The following SLC35F1 variants were observed in gnomAD, a reference collection of about 807,000 sequenced individuals.
The protein encoded by SLC35F1 is solute carrier family 35 member F1, also known as chromosome 6 open reading frame 169.
Under a neutral mutation model 48.7 loss-of-function variants are expected in SLC35F1, and 14 were observed. That is an observed-to-expected ratio of 0.29 (90% CI 0.19 to 0.45). The LOEUF (loss-of-function observed/expected upper bound fraction) is 0.45. SLC35F1 is among the 20% of genes least tolerant of loss of function. The probability of loss-of-function intolerance (pLI) is 1.00; values close to 1 mark genes in which losing one functional copy is unlikely to be tolerated. For synonymous variants in SLC35F1, 190 were observed against 202.2 expected (o/e 0.94, Z 0.51); for missense variants, 404 against 500.0 (o/e 0.81, Z 1.83).
At chr6:118,223,092 T>G (rs1288451970) in intron 2 of SLC35F1, among the ~76,000 whole-genome samples, 1 of 152,228 alleles carries the variant, frequency 6.6e-6, no homozygotes, top group Non-Finnish European at 1.5e-5. Flanking sequence ...AATGCTGCAT[T>G]GCTCATAAAA....
intron 1 of SLC35F1, among the ~76,000 whole-genome samples, chr6:118,144,234 A>G (rs1323857372): frequency 6.6e-6 from 1 of 152,360 alleles, no homozygotes; most frequent in South Asian, 2.1e-4. Context: ...TGGTACACAT[A>G]CACTACAGAA....
At chr6:118,231,370 T>C (rs1273303229) in intron 2 of SLC35F1, among the ~76,000 whole-genome samples, 1 of 152,186 alleles carries the variant, frequency 6.6e-6, no homozygotes, top group Non-Finnish European at 1.5e-5. Context: ...GTGTTTCTTA[T>C]AGATGGCCCT....
intron 1 of SLC35F1, chr6:117,999,513 A>G (rs1777055981): frequency 1.3e-5 from 14 of 1,053,352 alleles, no homozygotes; most frequent in Non-Finnish European, 1.8e-5. Flanking sequence ...CTGGGCTATC[A>G]TCTGCATGGG....
intron 1 of SLC35F1, among the ~76,000 whole-genome samples, chr6:118,053,613 T>G (rs1772421659): frequency 6.6e-6 from 1 of 152,194 alleles, no homozygotes; most frequent in Non-Finnish European, 1.5e-5. Flanking sequence ...ATATTTATTT[T>G]TCACTTAATG....
At chr6:118,062,841 A>G (rs756733228) in intron 1 of SLC35F1, among the ~76,000 whole-genome samples, 3 of 152,198 alleles carry the variant, frequency 2.0e-5, no homozygotes, top group Non-Finnish European at 4.4e-5. Flanking sequence ...ACCAACTCCT[A>G]AAGTCTTACT....
intron 1 of SLC35F1, among the ~76,000 whole-genome samples, chr6:118,032,719 C>A (rs1306948739): frequency 1.3e-5 from 2 of 152,210 alleles, no homozygotes; most frequent in Middle Eastern, 3.4e-3. Context: ...CAGTCTATTT[C>A]TTTTCCTTAG....
rs555488575 is a variant in SLC35F1 at position 118,286,343 on chromosome 6, G to C, written c.1002+1005G>C. Among the ~76,000 whole-genome samples, 8 of 152,286 alleles carry C rather than the reference G, an allele frequency of 5.3e-5. No homozygotes were observed. In the South Asian group the frequency reaches 1.5e-3, roughly 28 times the overall value. ...TTGGTAGGCAGAGCATCTTCATCCA[G>C]ATGAAACAGGGTGTAGACGTTCCTG... On this transcript the variant is annotated intron_variant, in intron 7 of 7. Transcript: ENST00000360388.
chr6:118,058,900 A>G (rs552768902), intron 1 of SLC35F1, among the ~76,000 whole-genome samples: 8 of 152,218 alleles, frequency 5.3e-5, no homozygotes, highest in Non-Finnish European at 1.2e-4. Context: ...AAGATATAAC[A>G]AAACATTTCA....
chr6:118,249,121 T>C (rs1775541913), intron 3 of SLC35F1, among the ~76,000 whole-genome samples: 1 of 152,202 alleles, frequency 6.6e-6, no homozygotes, highest in Non-Finnish European at 1.5e-5. Context: ...TAAATATATG[T>C]TGTTTATAAG....
chr6:117,929,188 A>T (rs962341174), intron 1 of SLC35F1, among the ~76,000 whole-genome samples: 5 of 152,054 alleles, frequency 3.3e-5, no homozygotes, highest in Non-Finnish European at 5.9e-5. Context: ...CTTCCCTGCT[A>T]TATAAACCCC....
rs764193531 is a variant in SLC35F1 at position 118,316,949 on chromosome 6, C to G, written c.*2697C>G. On this transcript the variant is annotated 3_prime_UTR_variant, in exon 8 of 8. Transcript: ENST00000360388. ...AAATCGCAAAGAACAAATTCTTTTT[C>G]TGTGTAAAAAACACTGATCCTTTGG... The G allele has an allele frequency of 1.3e-5, 2 of 152,464 alleles. No homozygotes were observed. Among genetic ancestry groups the G allele is most frequent in the Non-Finnish European group, 2.9e-5 (2 of 67,992 alleles). 9.4% of individuals were successfully genotyped at this position (152,464 alleles called of 1,614,324 possible).
At chr6:117,967,042 G>A (rs1485855669) in intron 1 of SLC35F1, among the ~76,000 whole-genome samples, 1 of 152,132 alleles carries the variant, frequency 6.6e-6, no homozygotes, top group Non-Finnish European at 1.5e-5. Context: ...GACAGAAATA[G>A]CCCACTCAAT....
chr6:118,175,601 A>G (rs1351545172), intron 2 of SLC35F1, among the ~76,000 whole-genome samples: 1 of 152,170 alleles, frequency 6.6e-6, no homozygotes, highest in Non-Finnish European at 1.5e-5. Context: ...TCCACATGCC[A>G]TTACTCAGAT....
chr6:117,983,855 G>A (rs565785079), intron 1 of SLC35F1, among the ~76,000 whole-genome samples: 1 of 152,216 alleles, frequency 6.6e-6, no homozygotes, highest in East Asian at 1.9e-4. Flanking sequence ...TGAATGTTAG[G>A]CATGTAGGTG....
At position 117,934,498 on chromosome 6, in the gene SLC35F1, A is replaced by C. The variant is rs547076506; in HGVS notation, c.173+26599A>C. Among the ~76,000 whole-genome samples, 3 of 152,314 alleles carry C rather than the reference A, an allele frequency of 2.0e-5. No homozygotes were observed. The South Asian group carries it at 6.2e-4, about 32-fold the overall frequency. Reference sequence around the variant, plus strand: ...GCCTCAATAATTCATATATAGGTTTACCTCACTTTGCACAACGTATTTTAA... The same window carrying C: ...GCCTCAATAATTCATATATAGGTTTCCCTCACTTTGCACAACGTATTTTAA... On this transcript the variant is annotated intron_variant, in intron 1 of 7. Transcript: ENST00000360388.
At chr6:118,256,896 G>C (rs974743238) in intron 3 of SLC35F1, among the ~76,000 whole-genome samples, 1 of 152,120 alleles carries the variant, frequency 6.6e-6, no homozygotes, top group African/African-American at 2.4e-5. Flanking sequence ...GAGTTGTGAA[G>C]ATTCAGTTAT....
intron 1 of SLC35F1, among the ~76,000 whole-genome samples, chr6:118,082,011 T>C (rs1476496143): frequency 6.6e-6 from 1 of 152,212 alleles, no homozygotes; most frequent in African/African-American, 2.4e-5. Flanking sequence ...TTTTTAAAGA[T>C]TCTGATGATC....
At chr6:118,119,921 G>A (rs573022517) in intron 1 of SLC35F1, among the ~76,000 whole-genome samples, 9 of 152,266 alleles carry the variant, frequency 5.9e-5, no homozygotes, top group South Asian at 2.1e-4. Flanking sequence ...GGCAGATGGC[G>A]TGAAAACAGC....
rs76686131 is a variant in SLC35F1 at position 118,266,935 on chromosome 6, C to T, written c.478-60C>T. On this transcript the variant is annotated intron_variant, in intron 3 of 7. Transcript: ENST00000360388. ...TGCAGAACTAAATTACTTTTCCCTA[C>T]TACATGGAATGCTTCCTCCTGAATC... 11,883 of 1,586,126 alleles carry T rather than the reference C, an allele frequency of 7.5e-3. 759 individuals are homozygous for T. In the African/African-American group the frequency reaches 0.14, roughly 18 times the overall value.
Sources: allele counts gnomAD v4.1 joint callset (sites outside exome capture counted in the v4.1 genomes callset), GRCh38; gene constraint gnomAD v4.1.1; transcripts MANE v1.5; gene names NCBI Gene and HGNC (gene_info 2026-07-23, HGNC 2026-07-21).